The following PTPN13 variants were observed in gnomAD, a reference collection of about 807,000 sequenced individuals.
The protein encoded by PTPN13 is protein tyrosine phosphatase non-receptor type 13.
PTPN13 carries 191 observed loss-of-function variants against 284.0 expected under a neutral mutation model. The ratio of observed to expected loss-of-function variants is 0.67; its 90% CI spans 0.60 to 0.76. PTPN13 has a LOEUF of 0.76. Among genes scored for constraint, PTPN13 ranks in the 30% least tolerant of loss-of-function variants. The pLI is 0.00. For synonymous variants in PTPN13, 986 were observed against 1,022.3 expected, an observed-to-expected ratio of 0.96 and a Z score of 0.68; for missense variants, 2,797 against 2,939.9, an observed-to-expected ratio of 0.95 and a Z score of 1.12.
intron 40 of PTPN13, among the ~76,000 whole-genome samples, chr4:86,795,772 A>C (rs1743265362): frequency 6.6e-6 from 1 of 152,206 alleles, no homozygotes; most frequent in African/African-American, 2.4e-5. Flanking sequence ...CATCATTCTA[A>C]GCAAACTATC....
At position 86,775,237 on chromosome 4, in the gene PTPN13, A is replaced by G. The variant is rs781723447; in HGVS notation, c.5575A>G (p.Lys1859Glu). 1.2e-6 allele frequency: 2 copies of G among 1,613,570 alleles called. No homozygotes were observed. The highest frequency in any genetic ancestry group is 2.2e-5 in the East Asian group (1 of 44,866). ...DAVNLLRAAS[K>E]TVRLVIGRVL... is the part of the protein sequence containing the mutation. ...AGTTAATCTGCTCCGGGCTGCATCC[A>G]AAACAGTCAGATTAGTTATTGGACG... The change falls in exon 34 of 48, where the codon AAA becomes GAA. Residue 1859 changes from lysine to glutamate, a missense_variant. By Grantham distance (56) the Lys-to-Glu change is moderately conservative (BLOSUM62 1). Transcript: ENST00000411767.
At chr4:86,626,278 A>G (rs1188428865) in intron 1 of PTPN13, among the ~76,000 whole-genome samples, 1 of 152,158 alleles carries the variant, frequency 6.6e-6, no homozygotes, top group Non-Finnish European at 1.5e-5. Context: ...AGGCCCAGAA[A>G]GGCAATTTAG....
intron 2 of PTPN13, among the ~76,000 whole-genome samples, chr4:86,670,999 A>G (rs900137905): frequency 6.6e-6 from 1 of 152,222 alleles, no homozygotes; most frequent in African/African-American, 2.4e-5. Context: ...TTTGAGGACC[A>G]TTGGTCTATA....
chr4:86,622,723 C>G (rs566754453), intron 1 of PTPN13, among the ~76,000 whole-genome samples: 8 of 152,256 alleles, frequency 5.3e-5, no homozygotes, highest in African/African-American at 1.9e-4. Flanking sequence ...ATCTCTCTGT[C>G]CTTGGATGTC....
chr4:86,624,607 C>T (rs1199446383), intron 1 of PTPN13, among the ~76,000 whole-genome samples: 1 of 152,126 alleles, frequency 6.6e-6, no homozygotes, highest in Non-Finnish European at 1.5e-5. Flanking sequence ...GCATTGACTG[C>T]TCATCTTAGA....
chr4:86,743,596 C>G (rs950910251), intron 16 of PTPN13, among the ~76,000 whole-genome samples: 8 of 152,108 alleles, frequency 5.3e-5, no homozygotes, highest in African/African-American at 1.9e-4. Context: ...ATTTCTGTTT[C>G]TAACAAAGAA....
At chr4:86,626,413 A>G (rs1371195779) in intron 1 of PTPN13, among the ~76,000 whole-genome samples, 2 of 152,174 alleles carry the variant, frequency 1.3e-5, no homozygotes, top group Non-Finnish European at 2.9e-5. Context: ...CCTTGTGGCA[A>G]CATCCAATTA....
chr4:86,599,635 G>A (rs572613544), intron 1 of PTPN13, among the ~76,000 whole-genome samples: 4 of 152,116 alleles, frequency 2.6e-5, no homozygotes, highest in Admixed American at 2.6e-4. Context: ...ATTTGTGTAT[G>A]TTTCTTATCA....
intron 6 of PTPN13, among the ~76,000 whole-genome samples, chr4:86,697,347 T>C (rs1285595653): frequency 6.6e-6 from 1 of 152,122 alleles, no homozygotes; most frequent in Non-Finnish European, 1.5e-5. Context: ...CAGAATTAGA[T>C]GGAAAGATGT....
At chr4:86,798,018 C>A (rs1258771743) in intron 41 of PTPN13, among the ~76,000 whole-genome samples, 1 of 152,100 alleles carries the variant, frequency 6.6e-6, no homozygotes, top group Non-Finnish European at 1.5e-5. Context: ...TTTAGTTAAT[C>A]CCCAAAAAAC....
chr4:86,595,742 C>A (rs1414799264), intron 1 of PTPN13: 1 of 985,578 alleles, frequency 1.0e-6, no homozygotes, highest in Non-Finnish European at 1.2e-6. Context: ...AAGGCAGGAC[C>A]TGAACAAAAT....
chr4:86,725,117 T>C (rs1734097807), intron 10 of PTPN13, among the ~76,000 whole-genome samples: 1 of 152,076 alleles, frequency 6.6e-6, no homozygotes, highest in South Asian at 2.1e-4. Flanking sequence ...GGTTTCCAGC[T>C]TCATCCATGT....
intron 1 of PTPN13, among the ~76,000 whole-genome samples, chr4:86,596,297 G>C (rs758190999): frequency 3.9e-5 from 6 of 152,144 alleles, no homozygotes; most frequent in Non-Finnish European, 7.4e-5. Context: ...GTTTATCTTT[G>C]AATTTGCATT....
At chr4:86,772,565 C>A (rs1372295192) in intron 31 of PTPN13, among the ~76,000 whole-genome samples, 4 of 151,208 alleles carry the variant, frequency 2.6e-5, no homozygotes, top group South Asian at 2.1e-4. Context: ...ACAACAACAA[C>A]AAAAAAAACC....
At chr4:86,728,727 A>C (rs1401511623) in intron 10 of PTPN13, among the ~76,000 whole-genome samples, 3 of 106,136 alleles carry the variant, frequency 2.8e-5, no homozygotes, top group African/African-American at 1.1e-4. Context: ...TTTTGAGCCT[A>C]TGTGTTTCTC....
intron 16 of PTPN13, 95 bp downstream of exon 16, chr4:86,741,911 C>A: frequency 1.9e-6 from 2 of 1,033,850 alleles, no homozygotes; most frequent in Non-Finnish European, 2.8e-6. Context: ...CTCTGCCATT[C>A]AGTGGGGATA....
chr4:86,794,533 A>G (rs1743089053), intron 40 of PTPN13, among the ~76,000 whole-genome samples: 1 of 152,218 alleles, frequency 6.6e-6, no homozygotes. Flanking sequence ...TCTTCCCAGA[A>G]TAGGAAAAAA....
At chr4:86,763,379 T>C (rs1738929522) in intron 24 of PTPN13, among the ~76,000 whole-genome samples, 189 bp downstream of exon 24, 1 of 152,226 alleles carries the variant, frequency 6.6e-6, no homozygotes, top group South Asian at 2.1e-4. Context: ...ATAATAACTT[T>C]AAATGGCTAT....
chr4:86,689,498 G>A (rs1359044981), intron 5 of PTPN13: 1 of 577,132 alleles, frequency 1.7e-6, no homozygotes, highest in Non-Finnish European at 3.1e-6. Context: ...TTTAGCAAAT[G>A]CTTCTATTGT....
Sources: allele counts gnomAD v4.1 joint callset (sites outside exome capture counted in the v4.1 genomes callset), GRCh38; gene constraint gnomAD v4.1.1; transcripts MANE v1.5; gene names NCBI Gene and HGNC (gene_info 2026-07-23, HGNC 2026-07-21).